SEC61A2: variants seen among roughly 807,000 people sequenced by gnomAD.
The protein encoded by SEC61A2 is SEC61 translocon subunit alpha 2, also known as protein transport protein Sec61 subunit alpha isoform 2.
Under a neutral mutation model 59.9 loss-of-function variants are expected in SEC61A2, and 28 were observed. That is an observed-to-expected ratio of 0.47 (90% CI 0.35 to 0.64). The LOEUF is 0.64. SEC61A2 is among the 30% of genes least tolerant of loss of function. SEC61A2 has a pLI of 0.01. For synonymous variants in SEC61A2, 202 were observed against 214.4 expected (o/e 0.94, Z 0.50); for missense variants, 340 against 585.9 (o/e 0.58, Z 4.33).
rs373450123 is a variant in SEC61A2, at chr10:12,162,196, C to T, written c.1168-17C>T. On this transcript the variant is annotated splice_polypyrimidine_tract_variant and intron_variant, in intron 10 of 11. Coordinates refer to ENST00000298428, the MANE Select transcript of SEC61A2 (RefSeq NM_018144.4). This position sits in a 1 kb window ranked among gnomAD's most constrained non-coding sequence, Gnocchi z 6.1. Reference sequence around the variant, plus strand: ...AATGTTCCAGTTGGATTTTGAAAGTCGTTTTTCTCTCGGCAGGTAGCTAAA... The same window carrying T: ...AATGTTCCAGTTGGATTTTGAAAGTTGTTTTTCTCTCGGCAGGTAGCTAAA... 266 of 1,610,142 alleles carry T rather than the reference C, an allele frequency of 1.7e-4. No homozygotes were observed. Among genetic ancestry groups the T allele is most frequent in the Admixed American group, 3.7e-4 (22 of 59,690 alleles).
At position 12,142,278 on chromosome 10, in the gene SEC61A2, C is replaced by G. The variant is rs1588634107; in HGVS notation, c.142-839C>G. ...GGTAGATTAGCATCCAAGATGGAGT[C>G]ACTTTGGTCTCCACCTTGGCCCCTA... On this transcript the variant is annotated intron_variant, in intron 3 of 11. Coordinates refer to ENST00000298428, the MANE Select transcript of SEC61A2 (RefSeq NM_018144.4). This position sits in a 1 kb window ranked among gnomAD's most constrained non-coding sequence, Gnocchi z 5.4. 6.6e-6 allele frequency among the ~76,000 whole-genome samples: 1 copy of G among 152,174 alleles called. No individual in the cohort carries two copies. Among genetic ancestry groups the G allele is most frequent in the South Asian group, 2.1e-4 (1 of 4,826 alleles).
At chr10:12,167,916 A>G (rs1457910149), downstream of SEC61A2, 6 of 1,512,108 alleles carry the variant, frequency 4.0e-6, no homozygotes, top group African/African-American at 1.4e-5. Context: ...GTCACTTCCT[A>G]TGCTAGATGC....
chr10:12,137,636 A>T (rs1833918566), intron 3 of SEC61A2, among the ~76,000 whole-genome samples: 1 of 152,226 alleles, frequency 6.6e-6, no homozygotes, highest in African/African-American at 2.4e-5. Flanking sequence ...TGTTGCAGAC[A>T]TATTAAGTTC....
At chr10:12,150,306 G>A (rs1484920612) in intron 6 of SEC61A2, among the ~76,000 whole-genome samples, 3 of 152,192 alleles carry the variant, frequency 2.0e-5, no homozygotes, top group Non-Finnish European at 4.4e-5. Flanking sequence ...AGTAAACAGT[G>A]CCTTCCACTT....
In SEC61A2 at chr10:12,152,237, C is replaced by G. The variant is rs980511536; in HGVS notation, c.462+2276C>G. On this transcript the variant is annotated intron_variant, in intron 6 of 11. Coordinates refer to ENST00000298428, the MANE Select transcript of SEC61A2 (RefSeq NM_018144.4). The surrounding 1 kb of genome is among the most constrained non-coding windows in gnomAD (Gnocchi z 5.5). ...CTGGAATTACAGGGTCCTGCCACCA[C>G]GTCCAGCTAGTTGTGTATTTTTAGT... Among the ~76,000 whole-genome samples, 1 of 152,134 alleles carries G rather than the reference C, an allele frequency of 6.6e-6. No individual in the cohort carries two copies. The highest frequency in any genetic ancestry group is 1.5e-5 in the Non-Finnish European group (1 of 68,026).
rs1424335178 is a variant in SEC61A2 at position 12,152,457 on chromosome 10, T to TA, written c.462+2497dup. Among the ~76,000 whole-genome samples, 5 of 152,210 alleles carry TA rather than the reference T, an allele frequency of 3.3e-5. No individual in the cohort carries two copies. The highest frequency in any genetic ancestry group is 7.3e-5 in the Non-Finnish European group (5 of 68,038). On this transcript the variant is annotated intron_variant, in intron 6 of 11. Transcript: ENST00000298428. This position sits in a 1 kb window ranked among gnomAD's most constrained non-coding sequence, Gnocchi z 5.5. ...CAGTGTGTTCGCATTTGGTAGAAGA[T>TA]ACGTTTCCTTAAAGAATAACTGTCA... is the stretch of plus-strand genomic sequence containing the variant.
In SEC61A2 at chr10:12,164,693, C is replaced by G; in HGVS notation, c.*239C>G. 3 of 1,294,086 alleles carry G rather than the reference C, an allele frequency of 2.3e-6. No individual in the cohort carries two copies. 80.2% of individuals were successfully genotyped at this position (1,294,086 alleles called of 1,614,324 possible). A position where few individuals can be genotyped will look rare whatever the true frequency, so the allele number is the denominator to read the frequency against. On this transcript the variant is annotated 3_prime_UTR_variant, in exon 12 of 12. Coordinates refer to ENST00000298428, the MANE Select transcript of SEC61A2 (RefSeq NM_018144.4). The surrounding 1 kb of genome is among the most constrained non-coding windows in gnomAD (Gnocchi z 7.3). ...AGTACATCTAGTGTTGCCTGTAATGCTGGAAACCAGTGTATCTACCTTGCT... is the reference window on the plus strand; with the variant it reads ...AGTACATCTAGTGTTGCCTGTAATGGTGGAAACCAGTGTATCTACCTTGCT...
rs771447687 is a variant in SEC61A2, at chr10:12,152,978, G to C, written c.463-2800G>C. On this transcript the variant is annotated intron_variant, in intron 6 of 11. Transcript: ENST00000298428. This position sits in a 1 kb window ranked among gnomAD's most constrained non-coding sequence, Gnocchi z 5.5. ...GGAGGCTGAGGCAGGAGAATCGCTT[G>C]AACTCTGGAGTCGGAGTTTGCAGTG... Among the ~76,000 whole-genome samples, 5 of 151,652 alleles carry C rather than the reference G, an allele frequency of 3.3e-5. No homozygotes were observed. The highest frequency in any genetic ancestry group is 5.9e-5 in the Non-Finnish European group (4 of 67,932).
At position 12,142,463 on chromosome 10, in the gene SEC61A2, T is replaced by C; in HGVS notation, c.142-654T>C. On this transcript the variant is annotated intron_variant, in intron 3 of 11. Transcript: ENST00000298428. The surrounding 1 kb of genome is among the most constrained non-coding windows in gnomAD (Gnocchi z 5.4). ...GTAAGCATAATTTTTAGTGGCCATG[T>C]AATATTCCATTGTGGATATCATCTT... 1 of 896,848 alleles carries C rather than the reference T, an allele frequency of 1.1e-6. No homozygotes were observed. The highest frequency in any genetic ancestry group is 1.3e-6 in the Non-Finnish European group (1 of 749,080). 55.6% of individuals were successfully genotyped at this position (896,848 alleles called of 1,614,324 possible).
rs1014003983 is a variant in SEC61A2 at position 12,142,233 on chromosome 10, G to A, written c.142-884G>A. On this transcript the variant is annotated intron_variant, in intron 3 of 11. Transcript: ENST00000298428. This position sits in a 1 kb window ranked among gnomAD's most constrained non-coding sequence, Gnocchi z 5.4. ...AATCAGGAGGTATCCCTGAGACCAG[G>A]GTTGAGCAGAAGTCAACATGGTAGA... Among the ~76,000 whole-genome samples the A allele has an allele frequency of 2.6e-5, 4 of 152,104 alleles. No individual in the cohort carries two copies. The highest frequency in any genetic ancestry group is 1.3e-4 in the Admixed American group (2 of 15,248).
chr10:12,166,884 A>T (rs1834712082), downstream of SEC61A2: 1 of 357,202 alleles, frequency 2.8e-6, no homozygotes, highest in African/African-American at 2.1e-5. Context: ...ACTACTCTGT[A>T]TTGGGTTTCA....
At position 12,142,958 on chromosome 10, in the gene SEC61A2, T is replaced by A. The variant is rs1834054788; in HGVS notation, c.142-159T>A. Among the ~76,000 whole-genome samples, 1 of 135,832 alleles carries A rather than the reference T, an allele frequency of 7.4e-6. No individual in the cohort carries two copies. Among genetic ancestry groups the A allele is most frequent in the Non-Finnish European group, 1.7e-5 (1 of 59,796 alleles). 89.1% of individuals were successfully genotyped at this position (135,832 alleles called of 152,430 possible). ...TACCTTGTAAATTAAGTGCACACTT[T>A]ATACTTTTTTTTTTTGAGACAGAGT... On this transcript the variant is annotated intron_variant, in intron 3 of 11. Transcript: ENST00000298428. The surrounding 1 kb of genome is among the most constrained non-coding windows in gnomAD (Gnocchi z 5.4).
intron 11 of SEC61A2, among the ~76,000 whole-genome samples, chr10:12,163,471 C>T (rs1035152263): frequency 9.9e-5 from 15 of 151,840 alleles, no homozygotes; most frequent in South Asian, 2.1e-4. Flanking sequence ...ATTACAGGCA[C>T]GCACCACCAT....
intron 3 of SEC61A2, among the ~76,000 whole-genome samples, chr10:12,138,198 A>G (rs1004757259): frequency 2.0e-5 from 3 of 152,186 alleles, no homozygotes; most frequent in Non-Finnish European, 2.9e-5. Context: ...GGATGAAATG[A>G]TCTGATAATT....
intron 3 of SEC61A2, among the ~76,000 whole-genome samples, chr10:12,140,492 G>C (rs1259571557): frequency 6.6e-6 from 1 of 152,222 alleles, no homozygotes; most frequent in Non-Finnish European, 1.5e-5. Context: ...CTGGTTGCAG[G>C]AAAGGAGGGT....
chr10:12,137,271 A>G (rs10906083), intron 3 of SEC61A2, among the ~76,000 whole-genome samples: 83,067 of 151,966 alleles, frequency 0.55, 22,736 homozygotes, highest in South Asian at 0.7. Context: ...CTTGGGTTGT[A>G]CTGTGTTTAA....
In SEC61A2 at chr10:12,153,522, GAGTTAAGCTATTTTGCTGTTCATTTTC is replaced by G. The variant is rs1834328926; in HGVS notation, c.463-2252_463-2226del. Among the ~76,000 whole-genome samples, 2 of 152,166 alleles carry G rather than the reference GAGTTAAGCTATTTTGCTGTTCATTTTC, an allele frequency of 1.3e-5. No homozygotes were observed. The highest frequency in any genetic ancestry group is 4.1e-4 in the South Asian group (2 of 4,826). On this transcript the variant is annotated intron_variant, in intron 6 of 11. Transcript: ENST00000298428. This position sits in a 1 kb window ranked among gnomAD's most constrained non-coding sequence, Gnocchi z 5.2. ...TATGGATTGAAATTGATATAAAATAGAGTTAAGCTATTTTGCTGTTCATTTTCAGTATTCAGAAATCAGAAATACTTA... is the reference window on the plus strand; with the variant it reads ...TATGGATTGAAATTGATATAAAATAGAGTATTCAGAAATCAGAAATACTTA...
chr10:12,129,762 C>T lies in SEC61A2; in HGVS notation c.-26C>T, dbSNP rs370198364. On this transcript the variant is annotated 5_prime_UTR_variant, in exon 1 of 12. Transcript: ENST00000298428. This position sits in a 1 kb window ranked among gnomAD's most constrained non-coding sequence, Gnocchi z 5.6. ...GAAGGCAGCGCCGAGGCCGCGGTTT[C>T]CCCCTGGGCCTCCCCAGCAGCAGCC... The T allele has an allele frequency of 1.2e-5, 18 of 1,486,732 alleles. No individual in the cohort carries two copies. The African/African-American group carries it at 1.7e-4, about 14-fold the overall frequency. The allele number at this position is 1,486,732 out of a possible 1,614,324, so 92.1% of individuals were successfully genotyped here.
chr10:12,129,690 G>T lies in SEC61A2; in HGVS notation c.-98G>T, dbSNP rs1183547589. On this transcript the variant is annotated 5_prime_UTR_variant, in exon 1 of 12. Transcript: ENST00000298428. This position sits in a 1 kb window ranked among gnomAD's most constrained non-coding sequence, Gnocchi z 5.6. ...GGCGGAGCCTGCGCGGGGCCGGTAG[G>T]ATCGCGTCGGGAGCCGGTACCGAGG... 4 of 1,213,788 alleles carry T rather than the reference G, an allele frequency of 3.3e-6. No homozygotes were observed. The highest frequency in any genetic ancestry group is 2.8e-5 in the South Asian group (2 of 72,500). 75.2% of individuals were successfully genotyped at this position (1,213,788 alleles called of 1,614,324 possible). A position where few individuals can be genotyped will look rare whatever the true frequency, so the allele number is the denominator to read the frequency against.
Sources: allele counts gnomAD v4.1 joint callset (sites outside exome capture counted in the v4.1 genomes callset), GRCh38; gene constraint gnomAD v4.1.1; non-coding constraint Gnocchi (gnomAD v3.1); transcripts MANE v1.5; gene names NCBI Gene and HGNC (gene_info 2026-07-23, HGNC 2026-07-21).